The following ANGPT1 variants were observed in gnomAD, a reference collection of about 807,000 sequenced individuals.
ANGPT1 encodes angiopoietin 1, also known as angiopoietin-1.
A neutral mutation model predicts 62.2 loss-of-function variants in ANGPT1; 17 were observed. The ratio of observed to expected loss-of-function variants is 0.27; its 90% CI spans 0.19 to 0.41. The LOEUF (loss-of-function observed/expected upper bound fraction) is 0.41, where lower values mean the gene tolerates loss of function less well. Among genes scored for constraint, ANGPT1 ranks in the 10% least tolerant of loss-of-function variants. The probability of loss-of-function intolerance (pLI) is 1.00; values close to 1 mark genes in which losing one functional copy is unlikely to be tolerated. For synonymous variants in ANGPT1, 199 were observed against 198.9 expected, an observed-to-expected ratio of 1.00 and a Z score of 0.00; for missense variants, 478 against 594.9, an observed-to-expected ratio of 0.80 and a Z score of 2.04.
rs1016435583 is a variant in ANGPT1 at position 107,333,352 on chromosome 8, T to A, written c.575+2798A>T. Among the ~76,000 whole-genome samples the A allele has an allele frequency of 8.5e-4, 130 of 152,190 alleles. 1 individual carries two copies. The highest frequency in any genetic ancestry group is 4.4e-4 in the Non-Finnish European group (30 of 67,990). ...AACCACATGTGAGATAATGCCATAC[T>A]TGAGGGGTCCACTGTCGAAAAAGAA... On this transcript the variant is annotated intron_variant, in intron 3 of 8. Coordinates refer to ENST00000517746, the MANE Select transcript of ANGPT1 (RefSeq NM_001146.5).
chr8:107,492,835 T>C (rs945489431), intron 1 of ANGPT1, among the ~76,000 whole-genome samples: 3 of 150,650 alleles, frequency 2.0e-5, no homozygotes. Flanking sequence ...ATTATACAGA[T>C]GCATATTATT....
chr8:107,491,801 AG>A (rs1320427417), intron 1 of ANGPT1, among the ~76,000 whole-genome samples: 6 of 152,172 alleles, frequency 3.9e-5, no homozygotes, highest in Non-Finnish European at 8.8e-5. Flanking sequence ...GAGGATTTTA[AG>A]GGGGGAAATG....
At chr8:107,303,792 G>A (rs1814652138) in intron 4 of ANGPT1, among the ~76,000 whole-genome samples, 1 of 151,748 alleles carries the variant, frequency 6.6e-6, no homozygotes, top group East Asian at 1.9e-4. Flanking sequence ...TTTGGAGCAG[G>A]AAGACATGAA....
At chr8:107,320,228 T>C (rs866810664) in intron 4 of ANGPT1, among the ~76,000 whole-genome samples, 2 of 152,128 alleles carry the variant, frequency 1.3e-5, no homozygotes, top group Non-Finnish European at 2.9e-5. Context: ...AGTTGAAACC[T>C]AGCCAGAATG....
At chr8:107,303,112 C>G in intron 5 of ANGPT1, 128 bp downstream of exon 5, 2 of 1,062,016 alleles carry the variant, frequency 1.9e-6, no homozygotes. Context: ...CAGAGTATCT[C>G]TGGGAGAAAA....
chr8:107,340,581 C>A (rs1815672860), intron 2 of ANGPT1, among the ~76,000 whole-genome samples: 1 of 151,782 alleles, frequency 6.6e-6, no homozygotes, highest in Non-Finnish European at 1.5e-5. Context: ...ACTCTGTCAC[C>A]CAGGCTGGAA....
At chr8:107,399,245 C>A (rs559891914) in intron 1 of ANGPT1, among the ~76,000 whole-genome samples, 1 of 152,272 alleles carries the variant, frequency 6.6e-6, no homozygotes, top group South Asian at 2.1e-4. Flanking sequence ...CCTATACCTT[C>A]TCCATCATCA....
At chr8:107,299,385 A>G (rs1814497682) in intron 5 of ANGPT1, among the ~76,000 whole-genome samples, 1 of 81,820 alleles carries the variant, frequency 1.2e-5, no homozygotes, top group Non-Finnish European at 2.4e-5. Context: ...GAGTAAATGA[A>G]GGAGTGTATA....
intron 8 of ANGPT1, among the ~76,000 whole-genome samples, chr8:107,260,326 C>A (rs2130017565): frequency 6.6e-6 from 1 of 151,800 alleles, no homozygotes; most frequent in South Asian, 2.1e-4. Flanking sequence ...TTAGAAGAAA[C>A]AAAGGAAAAA....
chr8:107,304,819 G>A (rs1417277365), intron 4 of ANGPT1, among the ~76,000 whole-genome samples: 1 of 151,832 alleles, frequency 6.6e-6, no homozygotes. Context: ...TGCACTAATG[G>A]TTTTAATGAA....
chr8:107,449,636 T>C (rs1032771806), intron 1 of ANGPT1, among the ~76,000 whole-genome samples: 1 of 152,082 alleles, frequency 6.6e-6, no homozygotes, highest in African/African-American at 2.4e-5. Flanking sequence ...TCATCAAACT[T>C]TGTAGCCAGA....
chr8:107,411,959 T>C (rs10110293), intron 1 of ANGPT1, among the ~76,000 whole-genome samples: 3,189 of 152,262 alleles, frequency 0.021, 104 homozygotes, highest in African/African-American at 0.071. Flanking sequence ...AGATCAGGGT[T>C]TCTCAGCTTG....
rs537887786 is a variant in ANGPT1, at chr8:107,252,997, T to A, written c.1337-982A>T. ...AAAGAGAAAGCTGTACAGCTGATGT[T>A]TAACTGTAACATGAGCACAATCTTG... On this transcript the variant is annotated intron_variant, in intron 8 of 8. Transcript: ENST00000517746. 5.9e-5 allele frequency among the ~76,000 whole-genome samples: 9 copies of A among 152,306 alleles called. No individual in the cohort carries two copies. The South Asian group carries it at 1.7e-3, about 28-fold the overall frequency.
At chr8:107,466,299 T>C (rs773246729) in intron 1 of ANGPT1, among the ~76,000 whole-genome samples, 24 of 152,224 alleles carry the variant, frequency 1.6e-4, no homozygotes, top group Admixed American at 2.0e-4. Context: ...AAAATGCCCA[T>C]AGTAGGCACT....
intron 1 of ANGPT1, among the ~76,000 whole-genome samples, chr8:107,431,569 C>T (rs1390041730): frequency 3.3e-5 from 5 of 152,180 alleles, no homozygotes; most frequent in African/African-American, 1.2e-4. Context: ...CTTCATCTTA[C>T]TATCAACCTC....
chr8:107,314,467 A>G (rs930024490), intron 4 of ANGPT1, among the ~76,000 whole-genome samples: 10 of 152,010 alleles, frequency 6.6e-5, no homozygotes, highest in Non-Finnish European at 1.3e-4. Context: ...GCTATCCACT[A>G]TTCACAATTT....
At chr8:107,326,758 G>C (rs1284379727) in intron 3 of ANGPT1, among the ~76,000 whole-genome samples, 1 of 152,070 alleles carries the variant, frequency 6.6e-6, no homozygotes, top group Non-Finnish European at 1.5e-5. Context: ...AAGCAATATA[G>C]TAACATAGAA....
At chr8:107,252,123 G>A (rs1813260678) in intron 8 of ANGPT1, 108 bp from the exon 9 acceptor site, 1 of 1,197,250 alleles carries the variant, frequency 8.4e-7, no homozygotes, top group Non-Finnish European at 1.2e-6. Context: ...GCTTGTTCTT[G>A]TTATGCTTAT....
At chr8:107,330,891 A>C (rs1471064196) in intron 3 of ANGPT1, among the ~76,000 whole-genome samples, 1 of 152,174 alleles carries the variant, frequency 6.6e-6, no homozygotes, top group Admixed American at 6.6e-5. Flanking sequence ...AAAAAAGGAA[A>C]ATGCTATATG....
Sources: gnomAD v4.1 joint callset for allele counts (sites outside exome capture counted in the v4.1 genomes callset) on GRCh38, gnomAD v4.1.1 for gene constraint, MANE v1.5 for transcripts, NCBI Gene and HGNC (gene_info 2026-07-23, HGNC 2026-07-21) for gene names.